LRGUK: variants seen among roughly 807,000 people sequenced by gnomAD.
LRGUK encodes the protein leucine rich repeats and guanylate kinase domain containing, also known as leucine-rich repeat and guanylate kinase domain-containing protein.
In LRGUK, 65 loss-of-function variants were observed where a neutral mutation model predicts 76.0. The ratio of observed to expected loss-of-function variants is 0.85; its 90% CI spans 0.70 to 1.05. LRGUK has a LOEUF of 1.05. Ranked by LOEUF, LRGUK falls within the 50% of genes least tolerant of loss-of-function variation. The pLI is 0.00. For missense variants in LRGUK, 758 were observed against 732.8 expected (o/e 1.03, Z -0.40); for synonymous variants, 268 against 265.6 (o/e 1.01, Z -0.09).
downstream of LRGUK, among the ~76,000 whole-genome samples, chr7:134,212,582 A>G (rs796569872): frequency 4.6e-5 from 7 of 152,376 alleles, no homozygotes; most frequent in African/African-American, 1.7e-4. Flanking sequence ...TAATGCCAGT[A>G]ATTGCCCTCT....
intron 16 of LRGUK, among the ~76,000 whole-genome samples, chr7:134,226,220 G>GTA (rs1801741203): frequency 2.0e-5 from 1 of 50,190 alleles, no homozygotes; most frequent in African/African-American, 3.5e-5. Flanking sequence ...CATCTCCAAT[G>GTA]TGTGTGTGTG....
At chr7:134,177,243 G>A (rs566263654) in intron 9 of LRGUK, among the ~76,000 whole-genome samples, 180 bp downstream of exon 9, 1 of 152,306 alleles carries the variant, frequency 6.6e-6, no homozygotes, top group Non-Finnish European at 1.5e-5. Flanking sequence ...CTGCAAAGGT[G>A]AGTATCAACA....
intron 18 of LRGUK, 110 bp from the exon 19 acceptor site, chr7:134,258,147 A>G: frequency 1.5e-6 from 2 of 1,325,956 alleles, no homozygotes; most frequent in Non-Finnish European, 2.1e-6. Flanking sequence ...TCCACTAACT[A>G]CTGTGAACTT....
At chr7:134,135,786 G>C (rs1563135439) in intron 1 of LRGUK, among the ~76,000 whole-genome samples, 1 of 152,184 alleles carries the variant, frequency 6.6e-6, no homozygotes, top group Non-Finnish European at 1.5e-5. Flanking sequence ...CTCCTGAGTA[G>C]CTGGGACTCC....
chr7:134,164,085 GAGT>G (rs1244141348), intron 7 of LRGUK, among the ~76,000 whole-genome samples: 5 of 152,142 alleles, frequency 3.3e-5, no homozygotes, highest in African/African-American at 1.2e-4. Context: ...CATGCTGAGA[GAGT>G]AGATTTTAAA....
At position 134,247,559 on chromosome 7, in the gene LRGUK, A is replaced by G. The variant is rs757399416; in HGVS notation, c.1987A>G (p.Arg663Gly). ...TCTAATGACATTTCTTACCTAGGAA[A>G]GAGATTCTATACACAGACAGCACGA... The change falls in exon 17 of 20, where the codon AGA (arginine) becomes GGA (glycine). Residue 663 changes from arginine to glycine, a missense_variant. Arg to Gly is a moderately radical substitution (Grantham distance 125). Coordinates refer to the LRGUK transcript ENST00000285928. 1.9e-6 allele frequency: 3 copies of G among 1,611,012 alleles called. No individual in the cohort carries two copies. In the East Asian group the frequency reaches 6.7e-5, roughly 36 times the overall value.
chr7:134,235,697 A>G (rs958742472), intron 16 of LRGUK, among the ~76,000 whole-genome samples: 6 of 152,202 alleles, frequency 3.9e-5, no homozygotes, highest in African/African-American at 1.4e-4. Flanking sequence ...ATACGATGCT[A>G]GGCACATAGT....
chr7:134,248,992 A>G (rs1314872892), exon 18 of LRGUK: 2 of 1,598,896 alleles, frequency 1.3e-6, no homozygotes, highest in African/African-American at 1.3e-5. Context: ...CTACACTATT[A>G]TACAACTTTA....
chr7:134,271,056 A>G, the LRGUK span, among the ~76,000 whole-genome samples: 3 of 152,004 alleles, frequency 2.0e-5, no homozygotes, highest in East Asian at 3.8e-4. Flanking sequence ...AATTTCTCCA[A>G]TTGTCAAGTA....
intron 15 of LRGUK, among the ~76,000 whole-genome samples, chr7:134,216,473 G>A (rs975902986): frequency 2.6e-5 from 4 of 152,180 alleles, no homozygotes; most frequent in African/African-American, 9.6e-5. Flanking sequence ...AGGCATTGCA[G>A]TTTGGAGAAG....
chr7:134,166,872 C>T (rs73439448), intron 7 of LRGUK, among the ~76,000 whole-genome samples: 20,045 of 152,212 alleles, frequency 0.13, 1,672 homozygotes, highest in East Asian at 0.32. Context: ...TCACTGAACC[C>T]TGGCTCACAC....
exon 16 of LRGUK, chr7:134,221,863 A>G: frequency 1.2e-6 from 2 of 1,601,382 alleles, no homozygotes; most frequent in South Asian, 2.3e-5. Context: ...CATTCTACAG[A>G]CAGAAACTAC....
rs1305019914 is a variant in LRGUK at position 134,187,885 on chromosome 7, C to T, written c.1335-3770C>T. 2.0e-5 allele frequency among the ~76,000 whole-genome samples: 3 copies of T among 152,294 alleles called. No individual in the cohort carries two copies. The East Asian group carries it at 5.8e-4, about 29-fold the overall frequency. Reference sequence around the variant, plus strand: ...TTATAGCCATCTCTATTTTCATAAGCTTCTCATGATGTTGACTACTAAACA... The same window carrying T: ...TTATAGCCATCTCTATTTTCATAAGTTTCTCATGATGTTGACTACTAAACA... On this transcript the variant is annotated intron_variant, in intron 11 of 15. Transcript: ENST00000645682.
At chr7:134,173,733 A>G (rs976998975) in intron 7 of LRGUK, among the ~76,000 whole-genome samples, 3 of 152,208 alleles carry the variant, frequency 2.0e-5, no homozygotes, top group African/African-American at 7.2e-5. Context: ...GTACACACCC[A>G]TCAAGAAATA....
downstream of LRGUK, among the ~76,000 whole-genome samples, chr7:134,214,764 A>G (rs1801389057): frequency 7.5e-6 from 1 of 132,670 alleles, no homozygotes; most frequent in African/African-American, 2.8e-5. Flanking sequence ...AGTTATATAG[A>G]ATTAAATTTA....
intron 15 of LRGUK, among the ~76,000 whole-genome samples, chr7:134,217,497 CCTTGGACTTATGTGATAA>C (rs1240670155): frequency 2.0e-5 from 3 of 152,016 alleles, no homozygotes; most frequent in African/African-American, 7.2e-5. Context: ...TACTGTATTT[CCTTGGACTTATGTGATAA>C]CTTTCTACTC....
chr7:134,258,134 A>G, intron 18 of LRGUK, 123 bp from the exon 19 acceptor site: 1 of 1,191,444 alleles, frequency 8.4e-7, no homozygotes. Context: ...AACACAAGAC[A>G]TGTCCACTAA....
At chr7:134,200,768 T>G (rs889514047) in intron 14 of LRGUK, among the ~76,000 whole-genome samples, 6 of 152,204 alleles carry the variant, frequency 3.9e-5, no homozygotes, top group Non-Finnish European at 5.9e-5. Context: ...GCATAGAAAT[T>G]ATCACACTTA....
At chr7:134,220,600 CGTT>C (rs1801566127) in intron 15 of LRGUK, among the ~76,000 whole-genome samples, 1 of 144,722 alleles carries the variant, frequency 6.9e-6, no homozygotes, top group Admixed American at 7.0e-5. Context: ...TTTCTTTTGT[CGTT>C]GTTGTTTTGA....
Sources: gnomAD v4.1 joint callset for allele counts (sites outside exome capture counted in the v4.1 genomes callset) on GRCh38, gnomAD v4.1.1 for gene constraint, MANE v1.5 for transcripts, NCBI Gene and HGNC (gene_info 2026-07-23, HGNC 2026-07-21) for gene names.